Variants in C1orf21 observed in about 807,000 individuals in gnomAD.
C1orf21 encodes the protein uncharacterized protein C1orf21.
C1orf21 carries 3 observed loss-of-function variants against 18.7 expected under a neutral mutation model. That is an observed-to-expected ratio of 0.16 (90% CI 0.07 to 0.42). The LOEUF is 0.42. C1orf21 is among the 10% of genes least tolerant of loss of function. The pLI is 0.99. For missense variants in C1orf21, 104 were observed against 143.6 expected, an observed-to-expected ratio of 0.72 and a Z score of 1.41; for synonymous variants, 41 against 46.4, an observed-to-expected ratio of 0.88 and a Z score of 0.47.
chr1:184,624,122 A>G lies in C1orf21; in HGVS notation c.*4566A>G, dbSNP rs1659967851. 1 of 152,628 alleles carries G rather than the reference A, an allele frequency of 6.6e-6. No homozygotes were observed. Among genetic ancestry groups the G allele is most frequent in the African/African-American group, 2.4e-5 (1 of 41,438 alleles). The allele number at this position is 152,628 out of a possible 1,614,324, so 9.5% of individuals were successfully genotyped here. ...AATGCCCATGTTGAAAGAAGGAAAG[A>G]TGTCATTCAAGTATTTTTCAAATTC... On this transcript the variant is annotated 3_prime_UTR_variant, in exon 6 of 6. Coordinates refer to ENST00000235307, the MANE Select transcript of C1orf21 (RefSeq NM_030806.4).
At chr1:184,462,744 A>C (rs1204215502) in intron 1 of C1orf21, among the ~76,000 whole-genome samples, 1 of 152,174 alleles carries the variant, frequency 6.6e-6, no homozygotes, top group Non-Finnish European at 1.5e-5. Flanking sequence ...CAAACCAGGT[A>C]AAAGAGATTG....
At chr1:184,555,810 C>G (rs1658870551) in intron 3 of C1orf21, among the ~76,000 whole-genome samples, 1 of 152,170 alleles carries the variant, frequency 6.6e-6, no homozygotes, top group Admixed American at 6.5e-5. Flanking sequence ...AAACAAGCTT[C>G]TGGCAGGAAA....
chr1:184,469,061 C>A (rs1440424769), intron 1 of C1orf21, among the ~76,000 whole-genome samples: 1 of 151,752 alleles, frequency 6.6e-6, no homozygotes, highest in African/African-American at 2.4e-5. Context: ...ATGGTGAAAC[C>A]CTGTCTCTAC....
intron 1 of C1orf21, among the ~76,000 whole-genome samples, chr1:184,437,211 C>T (rs1471474994): frequency 6.6e-6 from 1 of 152,112 alleles, no homozygotes; most frequent in South Asian, 2.1e-4. Context: ...CCCTACATTT[C>T]AACAACTGTT....
chr1:184,467,034 C>G (rs1278263784), intron 1 of C1orf21, among the ~76,000 whole-genome samples: 1 of 152,102 alleles, frequency 6.6e-6, no homozygotes, highest in Non-Finnish European at 1.5e-5. Flanking sequence ...GGAGTATATA[C>G]TAAACATAAT....
rs369704430 is a variant in C1orf21 at position 184,624,728 on chromosome 1, A to G, written c.*5172A>G. 2 of 152,190 alleles carry G rather than the reference A, an allele frequency of 1.3e-5. No homozygotes were observed. The highest frequency in any genetic ancestry group is 1.9e-4 in the East Asian group (1 of 5,190). The allele number at this position is 152,190 out of a possible 1,614,324, so 9.4% of individuals were successfully genotyped here. A position where few individuals can be genotyped will look rare whatever the true frequency, so the allele number is the denominator to read the frequency against. On this transcript the variant is annotated 3_prime_UTR_variant, in exon 6 of 6. Transcript: ENST00000235307. ...ATGCAAATCTCTTTCGAGACCTTAC[A>G]TGTTTTAGATAGTCATGTAATGACT...
At chr1:184,557,005 A>G (rs1178800115) in intron 3 of C1orf21, among the ~76,000 whole-genome samples, 4 of 152,168 alleles carry the variant, frequency 2.6e-5, no homozygotes, top group Non-Finnish European at 5.9e-5. Context: ...TCTTGCTCCA[A>G]ACAATATGTA....
intron 3 of C1orf21, among the ~76,000 whole-genome samples, chr1:184,547,678 C>G (rs562828995): frequency 6.6e-6 from 1 of 152,142 alleles, no homozygotes; most frequent in Non-Finnish European, 1.5e-5. Context: ...ATTTTGGCAG[C>G]ATTTTAGATA....
chr1:184,466,030 A>AC (rs66585923), intron 1 of C1orf21, among the ~76,000 whole-genome samples: 24,173 of 152,068 alleles, frequency 0.16, 2,158 homozygotes, highest in African/African-American at 0.21. Flanking sequence ...TTCTCTAAGT[A>AC]CTTTTTGCTG....
At chr1:184,589,055 T>C (rs1483286356) in intron 3 of C1orf21, among the ~76,000 whole-genome samples, 1 of 152,178 alleles carries the variant, frequency 6.6e-6, no homozygotes, top group Non-Finnish European at 1.5e-5. Context: ...GTTAAATAAA[T>C]GGAATATAAA....
chr1:184,502,612 T>G (rs182312727), intron 2 of C1orf21, among the ~76,000 whole-genome samples: 22 of 152,234 alleles, frequency 1.4e-4, no homozygotes, highest in Non-Finnish European at 2.9e-4. Flanking sequence ...TTAGTGACAT[T>G]AACATTTTTG....
intron 1 of C1orf21, among the ~76,000 whole-genome samples, chr1:184,447,565 C>T (rs367824699): frequency 6.6e-6 from 1 of 152,288 alleles, no homozygotes; most frequent in African/African-American, 2.4e-5. Flanking sequence ...CCTAATTGCT[C>T]TTCATGTCAA....
chr1:184,490,482 A>G (rs1657801205), intron 2 of C1orf21, among the ~76,000 whole-genome samples: 1 of 152,236 alleles, frequency 6.6e-6, no homozygotes, highest in Admixed American at 6.5e-5. Context: ...GTGAGAACAA[A>G]GGCTTAGAGG....
intron 1 of C1orf21, among the ~76,000 whole-genome samples, chr1:184,456,491 A>G (rs912965338): frequency 6.6e-6 from 1 of 152,222 alleles, no homozygotes; most frequent in Non-Finnish European, 1.5e-5. Flanking sequence ...GCAATATGAA[A>G]TAGAAATTCG....
At chr1:184,536,370 C>T (rs1057069914) in intron 3 of C1orf21, among the ~76,000 whole-genome samples, 11 of 150,662 alleles carry the variant, frequency 7.3e-5, no homozygotes, top group African/African-American at 2.7e-4. Context: ...TGCTCCAGTG[C>T]CCACACTCAT....
In C1orf21 at chr1:184,602,441, A is replaced by G. The variant is rs545236652; in HGVS notation, c.327+3980A>G. On this transcript the variant is annotated intron_variant, in intron 5 of 5. Coordinates refer to ENST00000235307, the MANE Select transcript of C1orf21 (RefSeq NM_030806.4). ...GAGCCACCTAATTTCTGTTCACCTC[A>G]TTATTTTTTACTCTGCTATCTAACC... is the stretch of plus-strand genomic sequence containing the variant. 5.3e-5 allele frequency among the ~76,000 whole-genome samples: 8 copies of G among 152,298 alleles called. No individual in the cohort carries two copies. In the East Asian group the frequency reaches 1.3e-3, roughly 26 times the overall value.
chr1:184,446,652 A>G (rs1011053506), intron 1 of C1orf21, among the ~76,000 whole-genome samples: 1 of 152,132 alleles, frequency 6.6e-6, no homozygotes, highest in Non-Finnish European at 1.5e-5. Context: ...ATAGATCAGA[A>G]GAGACTAAAG....
At chr1:184,479,252 C>T (rs1231892617) in intron 2 of C1orf21, among the ~76,000 whole-genome samples, 1 of 151,954 alleles carries the variant, frequency 6.6e-6, no homozygotes, top group Non-Finnish European at 1.5e-5. Context: ...GAACTAGAGT[C>T]ATTACTGTCA....
At chr1:184,563,748 C>T (rs1030831632) in intron 3 of C1orf21, among the ~76,000 whole-genome samples, 9 of 152,076 alleles carry the variant, frequency 5.9e-5, no homozygotes, top group African/African-American at 1.7e-4. Context: ...TTGGCTGGTT[C>T]GAGGAGATTT....
Sources: allele counts gnomAD v4.1 joint callset (sites outside exome capture counted in the v4.1 genomes callset), GRCh38; gene constraint gnomAD v4.1.1; transcripts MANE v1.5; gene names NCBI Gene and HGNC (gene_info 2026-07-23, HGNC 2026-07-21).